TMC1: variants seen among roughly 807,000 people sequenced by gnomAD.
TMC1 encodes the protein transmembrane channel-like protein 1.
TMC1 carries 84 observed loss-of-function variants against 105.8 expected under a neutral mutation model. The observed-to-expected ratio is 0.79, with a 90% CI of 0.67 to 0.95. The LOEUF is 0.95. Among genes scored for constraint, TMC1 ranks in the 40% least tolerant of loss-of-function variants. The pLI is 0.00. For synonymous variants in TMC1, 315 were observed against 311.5 expected (o/e 1.01, Z -0.12); for missense variants, 817 against 914.1 (o/e 0.89, Z 1.37).
At chr9:72,652,187 G>C (rs1322440293) in intron 5 of TMC1, among the ~76,000 whole-genome samples, 1 of 152,012 alleles carries the variant, frequency 6.6e-6, no homozygotes, top group Admixed American at 6.5e-5. Flanking sequence ...CCATATACTT[G>C]TTGGCCATTT....
At chr9:72,650,901 TAA>T (rs1491112306) in intron 5 of TMC1, among the ~76,000 whole-genome samples, 71 of 142,480 alleles carry the variant, frequency 5.0e-4, no homozygotes, top group Middle Eastern at 7.2e-3. Flanking sequence ...GATATATATA[TAA>T]ATATATATAG....
chr9:72,608,224 C>A (rs1160720587), intron 2 of TMC1, among the ~76,000 whole-genome samples: 6 of 152,174 alleles, frequency 3.9e-5, no homozygotes, highest in Non-Finnish European at 8.8e-5. Context: ...CAGAAAATAT[C>A]TTCTTGCATC....
chr9:72,526,801 G>A (rs1823413905), intron 1 of TMC1, among the ~76,000 whole-genome samples: 1 of 152,152 alleles, frequency 6.6e-6, no homozygotes, highest in Non-Finnish European at 1.5e-5. Flanking sequence ...CTTGCAGAGG[G>A]TCAGGCTTGG....
In TMC1 at chr9:72,740,156, C is replaced by G. The variant is rs1827363657; in HGVS notation, c.400C>G (p.Leu134Val). ...ATTTGTGAGTGAAAATGAAGGGGCT[C>G]TTGGGAAAGGAAAAGGAAAACGGTG... The part of the protein sequence containing the change: ...KKFVSENEGA[L>V]GKGKGKRWFA... Residue 134 changes from leucine to valine, a missense_variant, in exon 9 of 24, where the codon CTT (leucine) becomes GTT (valine). Physicochemically the swap from Leu to Val is conservative, Grantham distance 32. Transcript: ENST00000297784. 3 of 1,613,470 alleles carry G rather than the reference C, an allele frequency of 1.9e-6. No individual in the cohort carries two copies.
At chr9:72,777,623 C>A (rs1007583340) in intron 13 of TMC1, among the ~76,000 whole-genome samples, 4 of 152,190 alleles carry the variant, frequency 2.6e-5, no homozygotes, top group African/African-American at 9.7e-5. Flanking sequence ...GACATGAAGT[C>A]ACCACCTTCC....
chr9:72,575,371 G>A (rs531679127), intron 1 of TMC1, among the ~76,000 whole-genome samples: 29 of 152,184 alleles, frequency 1.9e-4, no homozygotes, highest in South Asian at 1.0e-3. Flanking sequence ...AGTACTGACG[G>A]GGTTTCACCA....
chr9:72,805,437 T>A lies in TMC1; in HGVS notation c.1622T>A (p.Ile541Asn), dbSNP rs201955337. The change falls in exon 18 of 24, where the codon ATT becomes AAT. Residue 541 changes from isoleucine to asparagine, a missense_variant. Ile to Asn is a moderately radical substitution (Grantham distance 149). Coordinates refer to ENST00000297784, the MANE Select transcript of TMC1 (RefSeq NM_138691.3). Reference sequence around the variant, plus strand: ...CTGACCACCTACGTCACAATCCTCATTGGGGACTTTCTAAGGGCATGTTTT... The same window carrying A: ...CTGACCACCTACGTCACAATCCTCAATGGGGACTTTCTAAGGGCATGTTTT... ...DVLTTYVTIL[I>N]GDFLRACFVR... 3.1e-6 allele frequency: 5 copies of A among 1,613,986 alleles called. No homozygotes were observed. The African/African-American group carries it at 6.7e-5, about 22-fold the overall frequency.
chr9:72,797,757 T>C (rs1296994956), intron 17 of TMC1, among the ~76,000 whole-genome samples: 1 of 152,096 alleles, frequency 6.6e-6, no homozygotes, highest in Admixed American at 6.5e-5. Flanking sequence ...CCCAAAACTA[T>C]GAAAACTCTA....
rs35677632 is a variant in TMC1 at position 72,568,071 on chromosome 9, AT to A, written c.-427-9816del. Among the ~76,000 whole-genome samples, 900 of 142,972 alleles carry A rather than the reference AT, an allele frequency of 6.3e-3. 5 individuals carry two copies. The highest frequency in any genetic ancestry group is 0.011 in the African/African-American group (422 of 39,198). 93.8% of individuals were successfully genotyped at this position (142,972 alleles called of 152,430 possible). ...GGAGGGTGTGGCGCTGCCCTCAATG[AT>A]TTTTTTTTTTTTTTAGGATTTCTGG... On this transcript the variant is annotated intron_variant, in intron 1 of 23. Transcript: ENST00000297784.
In TMC1 at chr9:72,837,351, T is replaced by G. The variant is rs12001068; in HGVS notation, c.*1378T>G. 6.0e-3 allele frequency: 907 copies of G among 152,290 alleles called. 5 individuals are homozygous for G. Among genetic ancestry groups the G allele is most frequent in the African/African-American group, 0.021 (867 of 41,548 alleles). 9.4% of individuals were successfully genotyped at this position (152,290 alleles called of 1,614,324 possible). A position where few individuals can be genotyped will look rare whatever the true frequency, so the allele number is the denominator to read the frequency against. On this transcript the variant is annotated 3_prime_UTR_variant, in exon 24 of 24. Transcript: ENST00000297784. ...TAGCACTGGTTGCCACTAATTATTATTTTAGAGAGATAGTTTAACCACCAC... is the reference window on the plus strand; with the variant it reads ...TAGCACTGGTTGCCACTAATTATTAGTTTAGAGAGATAGTTTAACCACCAC...
chr9:72,733,710 C>A (rs958297133), intron 8 of TMC1, among the ~76,000 whole-genome samples: 1 of 152,186 alleles, frequency 6.6e-6, no homozygotes, highest in African/African-American at 2.4e-5. Flanking sequence ...TCTTAACTAA[C>A]CACTTATCAC....
rs1829154083 is a variant in TMC1 at position 72,838,155 on chromosome 9, A to G, written c.*2182A>G. ...CAATTTAACTTACAGCAATTGTGTTATGAGACAAAAACTTCTGTTACCTGC... is the reference window on the plus strand; with the variant it reads ...CAATTTAACTTACAGCAATTGTGTTGTGAGACAAAAACTTCTGTTACCTGC... On this transcript the variant is annotated 3_prime_UTR_variant, in exon 24 of 24. Transcript: ENST00000297784. 1 of 152,252 alleles carries G rather than the reference A, an allele frequency of 6.6e-6. No homozygotes were observed. The highest frequency in any genetic ancestry group is 6.5e-5 in the Admixed American group (1 of 15,292). 9.4% of individuals were successfully genotyped at this position (152,252 alleles called of 1,614,324 possible).
In TMC1 at chr9:72,561,416, A is replaced by G. The variant is rs544530250; in HGVS notation, c.-427-16486A>G. Among the ~76,000 whole-genome samples the G allele has an allele frequency of 2.2e-4, 33 of 152,262 alleles. No homozygotes were observed. The South Asian group carries it at 6.8e-3, about 32-fold the overall frequency. On this transcript the variant is annotated intron_variant, in intron 1 of 23. Coordinates refer to ENST00000297784, the MANE Select transcript of TMC1 (RefSeq NM_138691.3). Reference sequence around the variant, plus strand: ...GATCCATATAGTGGATGTTCACAGAAGTGTAGGAACCAAAACTATGCAAGT... The same window carrying G: ...GATCCATATAGTGGATGTTCACAGAGGTGTAGGAACCAAAACTATGCAAGT...
At chr9:72,540,896 A>G (rs567754478) in intron 1 of TMC1, among the ~76,000 whole-genome samples, 3 of 152,340 alleles carry the variant, frequency 2.0e-5, no homozygotes, top group Admixed American at 2.0e-4. Flanking sequence ...ACCTCCTCAT[A>G]GGGATGTTGT....
intron 23 of TMC1, among the ~76,000 whole-genome samples, chr9:72,835,102 T>C (rs1322016115): frequency 6.6e-6 from 1 of 152,140 alleles, no homozygotes; most frequent in African/African-American, 2.4e-5. Flanking sequence ...TCTTCCCCTA[T>C]TCTCCCCCTC....
At chr9:72,528,257 G>C (rs1475689738) in intron 1 of TMC1, among the ~76,000 whole-genome samples, 2 of 152,108 alleles carry the variant, frequency 1.3e-5, no homozygotes, top group Non-Finnish European at 2.9e-5. Context: ...CAATCATCTG[G>C]CACATTGATC....
At chr9:72,705,549 C>A (rs989748894) in intron 8 of TMC1, among the ~76,000 whole-genome samples, 1 of 152,162 alleles carries the variant, frequency 6.6e-6, no homozygotes, top group Non-Finnish European at 1.5e-5. Context: ...CAAAAACAGA[C>A]CTATGGTTTC....
At chr9:72,649,250 G>A (rs1353307756) in intron 5 of TMC1, among the ~76,000 whole-genome samples, 3 of 152,200 alleles carry the variant, frequency 2.0e-5, no homozygotes, top group East Asian at 1.9e-4. Flanking sequence ...TGTGGATAAT[G>A]TGTGGCATGT....
intron 7 of TMC1, among the ~76,000 whole-genome samples, chr9:72,699,832 C>G (rs1826611749): frequency 6.6e-6 from 1 of 151,580 alleles, no homozygotes; most frequent in Admixed American, 6.6e-5. Context: ...TGGCAGATGC[C>G]TGTAATCCCA....
Sources: gnomAD v4.1 joint callset for allele counts (sites outside exome capture counted in the v4.1 genomes callset) on GRCh38, gnomAD v4.1.1 for gene constraint, MANE v1.5 for transcripts, NCBI Gene and HGNC (gene_info 2026-07-23, HGNC 2026-07-21) for gene names.